XKR6: variants seen among roughly 807,000 people sequenced by gnomAD.
XKR6 encodes the protein XK-related protein 6.
XKR6 carries 22 observed loss-of-function variants against 56.7 expected under a neutral mutation model. That is an observed-to-expected ratio of 0.39 (90% confidence interval 0.28 to 0.55). XKR6 has a LOEUF of 0.55. XKR6 is among the 20% of genes least tolerant of loss of function. XKR6 has a pLI of 0.66. For synonymous variants in XKR6, 524 were observed against 387.8 expected, an observed-to-expected ratio of 1.35 and a Z score of -4.13; for missense variants, 852 against 889.0, an observed-to-expected ratio of 0.96 and a Z score of 0.53.
intron 1 of XKR6, among the ~76,000 whole-genome samples, chr8:10,985,422 G>T (rs75639841): frequency 0.058 from 8,816 of 151,864 alleles, 704 homozygotes; most frequent in African/African-American, 0.18. Context: ...AAGGAACATT[G>T]TCTAGATCAC....
intron 1 of XKR6, among the ~76,000 whole-genome samples, chr8:11,059,216 A>AG (rs1366448742): frequency 6.6e-6 from 1 of 152,124 alleles, no homozygotes; most frequent in Non-Finnish European, 1.5e-5. Context: ...GCGCTCCCCA[A>AG]GCTGCGACCC....
chr8:11,097,844 G>A (rs1399854476), intron 1 of XKR6, among the ~76,000 whole-genome samples: 1 of 143,090 alleles, frequency 7.0e-6, no homozygotes. Flanking sequence ...CAAATGTAAA[G>A]TATTACTAAA....
intron 1 of XKR6, among the ~76,000 whole-genome samples, chr8:11,036,134 G>C (rs375419803): frequency 1.3e-5 from 2 of 151,904 alleles, no homozygotes; most frequent in African/African-American, 4.8e-5. Context: ...TTTTTGTAGA[G>C]ATGGGGTCTC....
At chr8:10,933,755 A>G (rs1457874885) in intron 1 of XKR6, among the ~76,000 whole-genome samples, 61 of 150,168 alleles carry the variant, frequency 4.1e-4, no homozygotes, top group African/African-American at 1.3e-3. Context: ...CCATTGATCT[A>G]TATCTCTGTT....
At chr8:10,913,585 C>G (rs1800471511) in intron 2 of XKR6, among the ~76,000 whole-genome samples, 1 of 152,222 alleles carries the variant, frequency 6.6e-6, no homozygotes, top group Non-Finnish European at 1.5e-5. Flanking sequence ...TAACACCCCT[C>G]TGCGATAGAA....
chr8:11,099,588 C>G (rs1364613414), intron 1 of XKR6, among the ~76,000 whole-genome samples: 2 of 152,194 alleles, frequency 1.3e-5, no homozygotes, highest in African/African-American at 4.8e-5. Flanking sequence ...AATCCACATT[C>G]TTTAAAATCT....
At chr8:11,120,416 T>C (rs1470062882) in intron 1 of XKR6, among the ~76,000 whole-genome samples, 3 of 152,320 alleles carry the variant, frequency 2.0e-5, no homozygotes, top group East Asian at 3.9e-4. Context: ...AGCCAAATCA[T>C]GAGTAAACTC....
At chr8:11,183,289 T>C (rs1476350793) in intron 1 of XKR6, among the ~76,000 whole-genome samples, 2 of 152,166 alleles carry the variant, frequency 1.3e-5, no homozygotes, top group African/African-American at 2.4e-5. Context: ...ATTATATTGC[T>C]TTCCACAGCA....
At chr8:11,172,472 T>C (rs907774757) in intron 1 of XKR6, among the ~76,000 whole-genome samples, 11 of 152,186 alleles carry the variant, frequency 7.2e-5, no homozygotes, top group African/African-American at 2.2e-4. Flanking sequence ...AGTTTGGCCA[T>C]CTTCAGGGTG....
At chr8:10,923,062 G>C (rs1243674580) in intron 2 of XKR6, among the ~76,000 whole-genome samples, 1 of 152,244 alleles carries the variant, frequency 6.6e-6, no homozygotes, top group Non-Finnish European at 1.5e-5. Flanking sequence ...GCAGATGTTG[G>C]CTGGTGTCAC....
rs369130561 is a variant in XKR6, at chr8:10,967,001, T to G, written c.765-42171A>C. The stretch of plus-strand genomic sequence containing the variant: ...TAGAGCCTCACTACTCAAAGTGTGG[T>G]CTCGGAAGCAGAGATACCAGCATCT... On this transcript the variant is annotated intron_variant, in intron 1 of 2. Coordinates refer to ENST00000416569, the MANE Select transcript of XKR6 (RefSeq NM_173683.4). 4.6e-5 allele frequency among the ~76,000 whole-genome samples: 7 copies of G among 151,854 alleles called. No individual in the cohort carries two copies. The East Asian group carries it at 7.8e-4, about 17-fold the overall frequency.
At chr8:11,059,584 G>A (rs924874886) in intron 1 of XKR6, among the ~76,000 whole-genome samples, 4 of 151,818 alleles carry the variant, frequency 2.6e-5, no homozygotes, top group Admixed American at 2.6e-4. Flanking sequence ...CCAGGCGCGC[G>A]GCGGTGCCAG....
chr8:10,904,622 G>T (rs912314247), intron 2 of XKR6, among the ~76,000 whole-genome samples: 2 of 152,180 alleles, frequency 1.3e-5, no homozygotes, highest in African/African-American at 4.8e-5. Context: ...AAGGGGTCAG[G>T]CCAGGAAGGG....
chr8:10,936,340 T>C (rs1801205011), intron 1 of XKR6, among the ~76,000 whole-genome samples: 2 of 135,464 alleles, frequency 1.5e-5, no homozygotes, highest in Middle Eastern at 3.5e-3. Context: ...CTGATGGGTC[T>C]TGACTCTTTA....
At chr8:10,900,856 C>CATTT (rs1800016143) in intron 2 of XKR6, among the ~76,000 whole-genome samples, 2 of 9,272 alleles carry the variant, frequency 2.2e-4, no homozygotes, top group Non-Finnish European at 4.1e-4. Flanking sequence ...TGTGCAATTA[C>CATTT]CTTTTTTTTT....
At chr8:10,951,307 GGGGC>G (rs1237259406) in intron 1 of XKR6, among the ~76,000 whole-genome samples, 1 of 147,322 alleles carries the variant, frequency 6.8e-6, no homozygotes, top group African/African-American at 2.6e-5. Flanking sequence ...GTGGGGGGGG[GGGGC>G]CCCCACAGTG....
At chr8:11,108,043 T>A (rs554200861) in intron 1 of XKR6, 2 of 326,594 alleles carry the variant, frequency 6.1e-6, no homozygotes, top group African/African-American at 4.4e-5. Context: ...CGAGGCTGTA[T>A]TTTGTAGGAA....
intron 1 of XKR6, among the ~76,000 whole-genome samples, chr8:10,967,670 C>G (rs1802266590): frequency 6.6e-6 from 1 of 152,218 alleles, no homozygotes; most frequent in South Asian, 2.1e-4. Context: ...AGCAAGGAAA[C>G]AGGGCAGAGG....
intron 1 of XKR6, among the ~76,000 whole-genome samples, chr8:11,121,480 A>G (rs956496913): frequency 2.6e-5 from 4 of 152,224 alleles, no homozygotes; most frequent in African/African-American, 9.6e-5. Flanking sequence ...TAAAACCACA[A>G]TGAGATACCA....
Sources: gnomAD v4.1 joint callset for allele counts (sites outside exome capture counted in the v4.1 genomes callset) on GRCh38, gnomAD v4.1.1 for gene constraint, MANE v1.5 for transcripts, NCBI Gene and HGNC (gene_info 2026-07-23, HGNC 2026-07-21) for gene names.